Variants in NCALD observed in about 807,000 individuals in gnomAD.
The protein encoded by NCALD is neurocalcin delta.
In NCALD, 10 loss-of-function variants were observed where a neutral mutation model predicts 18.6. The observed-to-expected ratio is 0.54, with a 90% CI of 0.33 to 0.91. The LOEUF is 0.91. Among genes scored for constraint, NCALD ranks in the 40% least tolerant of loss-of-function variants. NCALD has a pLI of 0.03. For missense variants in NCALD, 184 were observed against 247.6 expected (o/e 0.74, Z 1.72); for synonymous variants, 88 against 87.4 (o/e 1.01, Z -0.04).
At chr8:101,692,490 G>A (rs1015478722) in intron 3 of NCALD, 1 of 985,438 alleles carries the variant, frequency 1.0e-6, no homozygotes, top group Non-Finnish European at 1.2e-6. Flanking sequence ...CCAAGGATGG[G>A]TCTGTGCTAA....
Position 101,970,840 on chromosome 8 carries a change from C to T in NCALD, c.-157+49397G>A, listed in dbSNP as rs80102462. Among the ~76,000 whole-genome samples the T allele has an allele frequency of 1.6e-3, 242 of 152,280 alleles. 1 individual carries two copies. The highest frequency in any genetic ancestry group is 5.6e-3 in the African/African-American group (232 of 41,548). Reference sequence around the variant, plus strand: ...TAAATATGGTTTTTCTGCTCCAATACTCAGGCTGAAATTTGATTATTGTTG... The same window carrying T: ...TAAATATGGTTTTTCTGCTCCAATATTCAGGCTGAAATTTGATTATTGTTG... On this transcript the variant is annotated intron_variant, in intron 2 of 6. Transcript: ENST00000311028.
chr8:101,745,615 C>T (rs2186394), intron 1 of NCALD, among the ~76,000 whole-genome samples: 5,509 of 152,172 alleles, frequency 0.036, 282 homozygotes, highest in East Asian at 0.15. Flanking sequence ...GTGAGTGGGC[C>T]CTGCTTCCCT....
intron 1 of NCALD, among the ~76,000 whole-genome samples, chr8:101,744,742 G>A (rs1050671985): frequency 1.3e-5 from 2 of 152,032 alleles, no homozygotes; most frequent in African/African-American, 4.8e-5. Context: ...GTGCTGCTTG[G>A]CCCTTTATAC....
intron 2 of NCALD, among the ~76,000 whole-genome samples, chr8:101,932,154 C>T (rs868081894): frequency 1.3e-5 from 2 of 152,272 alleles, no homozygotes; most frequent in Middle Eastern, 3.4e-3. Flanking sequence ...CAGTGCTCTG[C>T]CAGTTGTGTC....
intron 1 of NCALD, among the ~76,000 whole-genome samples, chr8:101,775,675 G>C (rs1024593329): frequency 6.6e-6 from 1 of 152,162 alleles, no homozygotes; most frequent in African/African-American, 2.4e-5. Context: ...CACTGACCCA[G>C]CAGCTCAGAT....
At chr8:101,942,822 T>C (rs75815748) in intron 2 of NCALD, among the ~76,000 whole-genome samples, 597 of 152,296 alleles carry the variant, frequency 3.9e-3, no homozygotes, top group Non-Finnish European at 6.6e-3. Flanking sequence ...CATTTGAAAC[T>C]TAACAATCTG....
Position 101,689,275 on chromosome 8 carries a change from A to G in NCALD, c.*34T>C. The G allele has an allele frequency of 6.3e-7, 1 of 1,596,886 alleles. No individual in the cohort carries two copies. Among genetic ancestry groups the G allele is most frequent in the Non-Finnish European group, 8.6e-7 (1 of 1,168,238 alleles). ...AAAAGAAGAATCAAAAGGGAACACA[A>G]GCAGCTCTACAATTCGATTGGTGGG... On this transcript the variant is annotated 3_prime_UTR_variant, in exon 4 of 4. Transcript: ENST00000220931. This position sits in a 1 kb window ranked among gnomAD's most constrained non-coding sequence, Gnocchi z 4.4.
chr8:102,057,257 T>TACACACACACACACACACAC (rs3085988), intron 1 of NCALD, among the ~76,000 whole-genome samples: 35 of 147,660 alleles, frequency 2.4e-4, no homozygotes, highest in African/African-American at 7.5e-4. Context: ...GGCTAGTTCA[T>TACACACACACACACACACAC]ACACACACAC....
intron 2 of NCALD, among the ~76,000 whole-genome samples, chr8:101,960,622 T>C (rs1819801341): frequency 6.6e-6 from 1 of 152,120 alleles, no homozygotes; most frequent in South Asian, 2.1e-4. Context: ...AGAACCTCTG[T>C]GAACCTAGAC....
chr8:102,051,242 G>C (rs573769731), intron 1 of NCALD, among the ~76,000 whole-genome samples: 103 of 152,084 alleles, frequency 6.8e-4, no homozygotes, highest in Non-Finnish European at 1.2e-3. Flanking sequence ...CCTAGGATCG[G>C]TGTGACCCTA....
At chr8:102,066,235 C>G (rs1476665799) in intron 1 of NCALD, among the ~76,000 whole-genome samples, 2 of 152,132 alleles carry the variant, frequency 1.3e-5, no homozygotes, top group Non-Finnish European at 2.9e-5. Flanking sequence ...AATTTTTGTC[C>G]CCAAGAGAGC....
chr8:101,750,683 T>A (rs2130769895), intron 1 of NCALD: 1 of 152,342 alleles, frequency 6.6e-6, no homozygotes, highest in East Asian at 1.9e-4. Context: ...AATTCCCTTT[T>A]CTCCCTTTAA....
chr8:101,707,731 G>A (rs1248657120), intron 2 of NCALD, among the ~76,000 whole-genome samples: 1 of 152,128 alleles, frequency 6.6e-6, no homozygotes, highest in Non-Finnish European at 1.5e-5. Flanking sequence ...AGCTGGGCAT[G>A]GTAGCAGGTG....
At chr8:101,980,275 T>C (rs745457543) in intron 2 of NCALD, among the ~76,000 whole-genome samples, 79 of 152,294 alleles carry the variant, frequency 5.2e-4, no homozygotes, top group Non-Finnish European at 1.1e-3. Flanking sequence ...TTAGATGCTG[T>C]GTCACAGTTA....
chr8:101,762,684 C>T (rs1811164517), intron 1 of NCALD, among the ~76,000 whole-genome samples: 1 of 151,692 alleles, frequency 6.6e-6, no homozygotes, highest in South Asian at 2.1e-4. Flanking sequence ...AAGCAGTTCT[C>T]TCCCTCAGCC....
At chr8:101,743,671 C>T (rs1240709477) in intron 1 of NCALD, among the ~76,000 whole-genome samples, 2 of 152,168 alleles carry the variant, frequency 1.3e-5, no homozygotes, top group East Asian at 1.9e-4. Context: ...AATTCTGAGG[C>T]TGTTTTCATT....
intron 2 of NCALD, among the ~76,000 whole-genome samples, chr8:102,003,042 G>A (rs1250605148): frequency 6.6e-6 from 1 of 152,092 alleles, no homozygotes; most frequent in East Asian, 1.9e-4. Flanking sequence ...CAGAACTGAA[G>A]GAAACAGAGA....
chr8:102,002,218 G>A (rs1483047934), intron 2 of NCALD, among the ~76,000 whole-genome samples: 1 of 152,184 alleles, frequency 6.6e-6, no homozygotes, highest in African/African-American at 2.4e-5. Flanking sequence ...AAGGGCAGAG[G>A]TTGCAATCCT....
At chr8:102,000,530 A>C (rs1821414271) in intron 2 of NCALD, among the ~76,000 whole-genome samples, 1 of 152,188 alleles carries the variant, frequency 6.6e-6, no homozygotes. Flanking sequence ...TGAAGAGAGT[A>C]GTGGTTCTCC....
Sources: allele counts gnomAD v4.1 joint callset (sites outside exome capture counted in the v4.1 genomes callset), GRCh38; gene constraint gnomAD v4.1.1; non-coding constraint Gnocchi (gnomAD v3.1); transcripts MANE v1.5; gene names NCBI Gene and HGNC (gene_info 2026-07-23, HGNC 2026-07-21).